SNTG2: variants seen among roughly 807,000 people sequenced by gnomAD.
The protein encoded by SNTG2 is syntrophin gamma 2, also known as gamma-2-syntrophin.
SNTG2 carries 74 observed loss-of-function variants against 70.9 expected under a neutral mutation model. The observed-to-expected ratio is 1.04, with a 90% CI of 0.86 to 1.27. The LOEUF is 1.27. SNTG2 is among the 50% of genes most tolerant of loss of function. The pLI, the probability that SNTG2 is intolerant of heterozygous loss-of-function variation, is 0.00. For missense variants in SNTG2, 717 were observed against 690.7 expected (o/e 1.04, Z -0.43); for synonymous variants, 278 against 273.8 (o/e 1.02, Z -0.15).
At chr2:1,033,368 A>T (rs569464962) in intron 1 of SNTG2, among the ~76,000 whole-genome samples, 2 of 152,074 alleles carry the variant, frequency 1.3e-5, no homozygotes, top group Non-Finnish European at 2.9e-5. Context: ...GTCAGATCCA[A>T]TTCTGACAGT....
chr2:1,265,235 A>G (rs1266684540), intron 13 of SNTG2, among the ~76,000 whole-genome samples: 1 of 152,274 alleles, frequency 6.6e-6, no homozygotes, highest in Admixed American at 6.5e-5. Flanking sequence ...TATAGGTTCC[A>G]GGTATCCCAG....
At chr2:1,081,237 G>C (rs554645699) in intron 1 of SNTG2, among the ~76,000 whole-genome samples, 1 of 152,306 alleles carries the variant, frequency 6.6e-6, no homozygotes, top group South Asian at 2.1e-4. Context: ...CAGCGGAGTG[G>C]GGGATGCCCA....
intron 6 of SNTG2, among the ~76,000 whole-genome samples, chr2:1,145,803 C>T (rs1480545418): frequency 6.6e-6 from 1 of 152,120 alleles, no homozygotes; most frequent in Non-Finnish European, 1.5e-5. Flanking sequence ...AAAAAATCCT[C>T]AACAAAATAT....
intron 9 of SNTG2, among the ~76,000 whole-genome samples, chr2:1,224,943 A>G (rs1675671531): frequency 1.3e-5 from 2 of 152,218 alleles, no homozygotes. Context: ...AAACAAATAT[A>G]TAGGAAAAAT....
chr2:1,103,147 ACT>A (rs985746261), intron 4 of SNTG2, among the ~76,000 whole-genome samples: 5 of 151,872 alleles, frequency 3.3e-5, no homozygotes, highest in Non-Finnish European at 7.4e-5. Flanking sequence ...TAGGTCTGAG[ACT>A]CTCCTCAGTG....
chr2:967,932 G>A (rs2147953082), intron 1 of SNTG2, among the ~76,000 whole-genome samples: 1 of 152,232 alleles, frequency 6.6e-6, no homozygotes, highest in Admixed American at 6.5e-5. Context: ...AGGAGAGGCA[G>A]GAGAATTGCT....
intron 9 of SNTG2, among the ~76,000 whole-genome samples, chr2:1,232,396 T>C (rs1676315133): frequency 1.3e-5 from 2 of 152,050 alleles, no homozygotes; most frequent in East Asian, 3.9e-4. Context: ...GCCTCCCAGG[T>C]TCAAGGGATT....
In SNTG2 at chr2:1,162,027, TGG is replaced by T. The variant is rs1467422209; in HGVS notation, c.412-3520_412-3519del. On this transcript the variant is annotated intron_variant, in intron 6 of 16. Coordinates refer to ENST00000308624, the MANE Select transcript of SNTG2 (RefSeq NM_018968.4). Reference sequence around the variant, plus strand: ...AGGCGGAGCTTGCAGTGGGCCCAGATGGCGCCACTGCACTCCAGCCTGGGCGA... The same window carrying T: ...AGGCGGAGCTTGCAGTGGGCCCAGATCGCCACTGCACTCCAGCCTGGGCGA... Among the ~76,000 whole-genome samples the T allele has an allele frequency of 4.8e-5, 6 of 124,854 alleles. No individual in the cohort carries two copies. The East Asian group carries it at 1.3e-3, about 27-fold the overall frequency. The allele number at this position is 124,854 out of a possible 152,430, so 81.9% of individuals were successfully genotyped here. A position where few individuals can be genotyped will look rare whatever the true frequency, so the allele number is the denominator to read the frequency against.
intron 1 of SNTG2, among the ~76,000 whole-genome samples, chr2:1,074,622 T>G (rs562388816): frequency 1.3e-5 from 2 of 152,320 alleles, no homozygotes; most frequent in East Asian, 3.9e-4. Flanking sequence ...TTTAATTCAT[T>G]CACCCCTAAG....
At chr2:1,054,102 A>G (rs1348681830) in intron 1 of SNTG2, among the ~76,000 whole-genome samples, 1 of 152,130 alleles carries the variant, frequency 6.6e-6, no homozygotes. Flanking sequence ...CCACCTGCAC[A>G]TGTCTGCTGG....
chr2:1,367,097 C>T (rs574864292), intron 16 of SNTG2, among the ~76,000 whole-genome samples: 34 of 152,296 alleles, frequency 2.2e-4, no homozygotes, highest in African/African-American at 6.7e-4. Context: ...TGCAAGAAAA[C>T]AAGTAAGTTA....
At chr2:1,153,255 T>A (rs1170705262) in intron 6 of SNTG2, among the ~76,000 whole-genome samples, 3 of 152,242 alleles carry the variant, frequency 2.0e-5, no homozygotes, top group African/African-American at 4.8e-5. Flanking sequence ...ATCTTTTTTT[T>A]ATTATCCATT....
rs368927263 is a variant in SNTG2, at chr2:1,222,560, G to A, written c.719+13330G>A. 4.9e-3 allele frequency among the ~76,000 whole-genome samples: 277 copies of A among 56,158 alleles called. 2 individuals are homozygous for A. The highest frequency in any genetic ancestry group is 7.9e-3 in the Non-Finnish European group (215 of 27,296). The allele number at this position is 56,158 out of a possible 152,430, so 36.8% of individuals were successfully genotyped here. ...GTGCTGGATCGCTGTAGAGGAAAGC[G>A]GTGCAGTGATGGAGGGCGTCTCCCT... On this transcript the variant is annotated intron_variant, in intron 9 of 16. Transcript: ENST00000308624.
At chr2:1,325,990 C>A (rs1378684452) in intron 16 of SNTG2, among the ~76,000 whole-genome samples, 4 of 152,006 alleles carry the variant, frequency 2.6e-5, no homozygotes, top group Middle Eastern at 3.2e-3. Flanking sequence ...CCTGTGACCA[C>A]GCCCAGCTAA....
At chr2:1,358,811 G>C (rs1228354191) in intron 16 of SNTG2, among the ~76,000 whole-genome samples, 1 of 152,140 alleles carries the variant, frequency 6.6e-6, no homozygotes, top group African/African-American at 2.4e-5. Context: ...TGAGAAGCTT[G>C]TGTTTTCTAC....
chr2:974,664 C>T (rs1660852947), intron 1 of SNTG2, among the ~76,000 whole-genome samples: 1 of 152,166 alleles, frequency 6.6e-6, no homozygotes. Flanking sequence ...TTGCTGGCTT[C>T]CTCCCAGCTT....
intron 7 of SNTG2, among the ~76,000 whole-genome samples, chr2:1,167,105 G>T (rs1443424504): frequency 2.6e-5 from 4 of 152,376 alleles, no homozygotes; most frequent in East Asian, 3.9e-4. Context: ...ATAAGGCAGA[G>T]GGTCTAATTG....
At chr2:1,284,308 CCT>C in intron 14 of SNTG2, among the ~76,000 whole-genome samples, 1 of 152,286 alleles carries the variant, frequency 6.6e-6, no homozygotes, top group Admixed American at 6.5e-5. Context: ...TGTAACGTTC[CCT>C]CTCTCTCCAA....
chr2:1,340,856 A>AT (rs930571107), intron 16 of SNTG2, among the ~76,000 whole-genome samples: 10 of 152,056 alleles, frequency 6.6e-5, no homozygotes, highest in Non-Finnish European at 1.5e-4. Flanking sequence ...TTTCTTCCTA[A>AT]TTTTTTTATA....
Sources: allele counts gnomAD v4.1 joint callset (sites outside exome capture counted in the v4.1 genomes callset), GRCh38; gene constraint gnomAD v4.1.1; transcripts MANE v1.5; gene names NCBI Gene and HGNC (gene_info 2026-07-23, HGNC 2026-07-21).